FKBP1B: variants seen among roughly 807,000 people sequenced by gnomAD.
FKBP1B encodes the protein peptidyl-prolyl cis-trans isomerase FKBP1B.
FKBP1B carries 4 observed loss-of-function variants against 13.5 expected under a neutral mutation model. That is an observed-to-expected ratio of 0.30 (90% confidence interval 0.15 to 0.68). FKBP1B has a LOEUF of 0.68. Among genes scored for constraint, FKBP1B ranks in the 30% least tolerant of loss-of-function variants. The pLI, the probability that FKBP1B is intolerant of heterozygous loss-of-function variation, is 0.76. For synonymous variants in FKBP1B, 54 were observed against 53.6 expected (o/e 1.01, Z -0.03); for missense variants, 93 against 136.2 (o/e 0.68, Z 1.58).
At chr2:24,049,709 G>A (rs2150958646), upstream of FKBP1B, 1 of 594,784 alleles carries the variant, frequency 1.7e-6, no homozygotes, top group East Asian at 3.5e-5. Flanking sequence ...CCCCGCGCAG[G>A]TCCCGACTCC....
chr2:24,048,673 G>GA (rs1573675197), upstream of FKBP1B, among the ~76,000 whole-genome samples: 1 of 151,734 alleles, frequency 6.6e-6, no homozygotes, highest in East Asian at 1.9e-4. Context: ...TAATGAGGGG[G>GA]AAAAAATTTT....
chr2:24,056,722 CT>C lies in FKBP1B; in HGVS notation c.85+2774del, dbSNP rs1170188242. On this transcript the variant is annotated intron_variant, in intron 2 of 3. Coordinates refer to ENST00000380986, the MANE Select transcript of FKBP1B (RefSeq NM_004116.5). Reference sequence around the variant, plus strand: ...TTTCTTTTTTTGAGACAGAGTTTCACTCTTGTTGCTCAGGCTGGAGTGCAAT... The same window carrying C: ...TTTCTTTTTTTGAGACAGAGTTTCACCTTGTTGCTCAGGCTGGAGTGCAAT... Among the ~76,000 whole-genome samples, 25 of 151,984 alleles carry C rather than the reference CT, an allele frequency of 1.6e-4. 1 individual carries two copies. Among genetic ancestry groups the C allele is most frequent in the Admixed American group, 1.6e-3 (25 of 15,254 alleles).
At chr2:24,059,894 CAAAAAAAAA>C (rs10679224) in intron 2 of FKBP1B, among the ~76,000 whole-genome samples, 2 of 49,818 alleles carry the variant, frequency 4.0e-5, no homozygotes, top group East Asian at 8.4e-4. Flanking sequence ...GACTCCGACT[CAAAAAAAAA>C]AAAAAAAAAA....
chr2:24,055,334 C>T (rs1050010932), intron 2 of FKBP1B, among the ~76,000 whole-genome samples: 4 of 152,044 alleles, frequency 2.6e-5, no homozygotes, highest in Non-Finnish European at 2.9e-5. Context: ...CTTCAGTGTC[C>T]TGACTAGCTG....
the FKBP1B span, among the ~76,000 whole-genome samples, chr2:24,043,730 G>A: frequency 6.4e-3 from 978 of 152,228 alleles, 7 homozygotes; most frequent in African/African-American, 0.019. Flanking sequence ...TTTCAGCCTT[G>A]TTTTACTGAG....
intron 2 of FKBP1B, among the ~76,000 whole-genome samples, chr2:24,060,075 T>G (rs976726806): frequency 2.6e-5 from 4 of 151,734 alleles, no homozygotes; most frequent in Non-Finnish European, 5.9e-5. Context: ...TCTGGGGAGC[T>G]ATTGAAGTAT....
Position 24,049,808 on chromosome 2 carries a change from C to T in FKBP1B, c.-42C>T, listed in dbSNP as rs1663763790. The T allele has an allele frequency of 6.0e-6, 8 of 1,328,694 alleles. No individual in the cohort carries two copies. In the South Asian group the frequency reaches 1.1e-4, roughly 19 times the overall value. 82.3% of individuals were successfully genotyped at this position (1,328,694 alleles called of 1,614,324 possible). On this transcript the variant is annotated 5_prime_UTR_variant, in exon 1 of 4. Coordinates refer to ENST00000380986, the MANE Select transcript of FKBP1B (RefSeq NM_004116.5). ...GGGCCGGAGCCGAGCCGGGGTCGGGCAGCAGCAGGGACCCCCCAGAGGCGG... is the reference window on the plus strand; with the variant it reads ...GGGCCGGAGCCGAGCCGGGGTCGGGTAGCAGCAGGGACCCCCCAGAGGCGG...
intron 3 of FKBP1B, among the ~76,000 whole-genome samples, chr2:24,061,156 C>T (rs1480508045): frequency 1.3e-5 from 2 of 152,126 alleles, no homozygotes; most frequent in South Asian, 2.1e-4. Context: ...GCACATCCCC[C>T]TAGGCTTGCT....
chr2:24,043,180 A>G, the FKBP1B span, among the ~76,000 whole-genome samples: 2 of 152,056 alleles, frequency 1.3e-5, no homozygotes, highest in Non-Finnish European at 2.9e-5. Context: ...CTAAAAATAC[A>G]AAAAAATTAG....
the FKBP1B span, among the ~76,000 whole-genome samples, chr2:24,042,799 G>A: frequency 2.0e-5 from 3 of 151,998 alleles, no homozygotes; most frequent in Admixed American, 6.6e-5. Context: ...TTGGGAGGCC[G>A]AGGCGGGCAG....
chr2:24,054,914 A>C (rs1410522738), intron 2 of FKBP1B, among the ~76,000 whole-genome samples: 1 of 152,216 alleles, frequency 6.6e-6, no homozygotes, highest in Non-Finnish European at 1.5e-5. Context: ...TTCACAATAC[A>C]TACATAGGGC....
the FKBP1B span, among the ~76,000 whole-genome samples, chr2:24,044,144 C>T: frequency 0.16 from 23,898 of 152,076 alleles, 2,097 homozygotes; most frequent in South Asian, 0.2. Context: ...CAATTACATC[C>T]AAGTCGATTT....
chr2:24,045,931 A>C (rs1663610019), upstream of FKBP1B: 1 of 152,184 alleles, frequency 6.6e-6, no homozygotes, highest in Non-Finnish European at 1.5e-5. Context: ...GAAGCGTTCC[A>C]TAAAAAAGGA....
At chr2:24,041,145 C>A in the FKBP1B span, among the ~76,000 whole-genome samples, 6 of 151,996 alleles carry the variant, frequency 3.9e-5, no homozygotes, top group East Asian at 1.2e-3. Context: ...TTGAGACCAG[C>A]CTGGCCAACA....
chr2:24,047,536 A>C (rs1243361416), upstream of FKBP1B, among the ~76,000 whole-genome samples: 1 of 152,038 alleles, frequency 6.6e-6, no homozygotes, highest in Non-Finnish European at 1.5e-5. Context: ...ACATTAGCAG[A>C]GGGTTCGTCC....
chr2:24,039,135 C>T, the FKBP1B span: 6 of 1,614,108 alleles, frequency 3.7e-6, no homozygotes, highest in African/African-American at 8.0e-5. Context: ...TTGGGTGCCA[C>T]ACACAGCCCT....
chr2:24,044,817 T>TAAAAAAA (rs747340836), upstream of FKBP1B, among the ~76,000 whole-genome samples: 8 of 103,922 alleles, frequency 7.7e-5, no homozygotes, highest in East Asian at 2.6e-4. Context: ...GAATTATCTT[T>TAAAAAAA]AAAAAAAAAA....
the FKBP1B span, among the ~76,000 whole-genome samples, chr2:24,036,318 C>G: frequency 0.15 from 23,086 of 150,514 alleles, 2,046 homozygotes; most frequent in Non-Finnish European, 0.2. Flanking sequence ...TCAGCCTAGG[C>G]AACATAGCAA....
At chr2:24,052,598 T>A (rs1429318442) in intron 1 of FKBP1B, among the ~76,000 whole-genome samples, 1 of 152,240 alleles carries the variant, frequency 6.6e-6, no homozygotes, top group Non-Finnish European at 1.5e-5. Flanking sequence ...TACATCATTG[T>A]GTGTATTTTC....
Sources: allele counts gnomAD v4.1 joint callset (sites outside exome capture counted in the v4.1 genomes callset), GRCh38; gene constraint gnomAD v4.1.1; transcripts MANE v1.5; gene names NCBI Gene and HGNC (gene_info 2026-07-23, HGNC 2026-07-21).